The following ERI3 variants were observed in gnomAD, a reference collection of about 807,000 sequenced individuals.
ERI3 encodes ERI1 exoribonuclease 3.
A neutral mutation model predicts 44.4 loss-of-function variants in ERI3; 18 were observed. That is an observed-to-expected ratio of 0.41 (90% CI 0.28 to 0.60). The LOEUF (loss-of-function observed/expected upper bound fraction) is 0.60, where lower values mean the gene tolerates loss of function less well. Among genes scored for constraint, ERI3 ranks in the 20% least tolerant of loss-of-function variants. ERI3 has a pLI of 0.36. For synonymous variants in ERI3, 183 were observed against 164.8 expected (o/e 1.11, Z -0.84); for missense variants, 294 against 435.5 (o/e 0.68, Z 2.89).
At chr1:44,244,089 C>A (rs1476787582) in intron 8 of ERI3, 1 of 152,314 alleles carries the variant, frequency 6.6e-6, no homozygotes, top group Non-Finnish European at 1.5e-5. Context: ...AATATGAGTG[C>A]TTACTGCCCC....
At chr1:44,263,036 G>T (rs1644925101) in intron 7 of ERI3, among the ~76,000 whole-genome samples, 1 of 152,182 alleles carries the variant, frequency 6.6e-6, no homozygotes, top group Admixed American at 6.5e-5. Flanking sequence ...GCTTCACAGG[G>T]CCAAGTAAAA....
At chr1:44,326,516 A>C (rs969176338) in intron 3 of ERI3, among the ~76,000 whole-genome samples, 2 of 152,234 alleles carry the variant, frequency 1.3e-5, no homozygotes, top group Non-Finnish European at 2.9e-5. Flanking sequence ...TGGCGGGTTA[A>C]ATTTATTGCC....
In ERI3 at chr1:44,284,918, A is replaced by G. The variant is rs1352532460; in HGVS notation, c.759-11T>C. 2 of 1,613,462 alleles carry G rather than the reference A, an allele frequency of 1.2e-6. No individual in the cohort carries two copies. Among genetic ancestry groups the G allele is most frequent in the South Asian group, 2.2e-5 (2 of 91,048 alleles). On this transcript the variant is annotated splice_polypyrimidine_tract_variant and intron_variant, in intron 6 of 8. Transcript: ENST00000372257. ...CACTGGCCTGGGAGCCTACAAAAAAAAGGGAAGAGAGAACAAGTTGGGCGC... is the reference window on the plus strand; with the variant it reads ...CACTGGCCTGGGAGCCTACAAAAAAGAGGGAAGAGAGAACAAGTTGGGCGC...
In ERI3 at chr1:44,228,336, G is replaced by C. The variant is rs1413539004; in HGVS notation, c.932-6696C>G. On this transcript the variant is annotated intron_variant, in intron 8 of 8. Coordinates refer to ENST00000372257, the MANE Select transcript of ERI3 (RefSeq NM_024066.3). The surrounding 1 kb of genome is among the most constrained non-coding windows in gnomAD (Gnocchi z 4.3). ...TAAGGGGAAAAGGCAATTTCATCTT[G>C]ATTAGCAGGCGATTTCTCTCACCGT... Among the ~76,000 whole-genome samples, 1 of 152,200 alleles carries C rather than the reference G, an allele frequency of 6.6e-6. No homozygotes were observed. Among genetic ancestry groups the C allele is most frequent in the Non-Finnish European group, 1.5e-5 (1 of 68,044 alleles).
chr1:44,319,751 T>A lies in ERI3; in HGVS notation c.490-7A>T. 6.3e-7 allele frequency: 1 copy of A among 1,591,234 alleles called. No homozygotes were observed. The highest frequency in any genetic ancestry group is 8.6e-7 in the Non-Finnish European group (1 of 1,159,856). On this transcript the variant is annotated splice_region_variant and splice_polypyrimidine_tract_variant and intron_variant, in intron 3 of 8. Transcript: ENST00000372257. Reference sequence around the variant, plus strand: ...TGGGGAACTCGATGATTTCCTGGAGTGCCAAAGATACAGAAAAGGAAAAAT... The same window carrying A: ...TGGGGAACTCGATGATTTCCTGGAGAGCCAAAGATACAGAAAAGGAAAAAT...
At position 44,221,536 on chromosome 1, in the gene ERI3, GC is replaced by G; in HGVS notation, c.*21del. The G allele has an allele frequency of 6.2e-7, 1 of 1,605,602 alleles. No homozygotes were observed. Among genetic ancestry groups the G allele is most frequent in the Non-Finnish European group, 8.5e-7 (1 of 1,172,376 alleles). The stretch of plus-strand genomic sequence containing the variant: ...CTGGGCCAAACAGCTACCCTGTCCT[GC>G]CCCATCCTGTCCTCGGCCAATCAGA... On this transcript the variant is annotated 3_prime_UTR_variant, in exon 9 of 9. Transcript: ENST00000372257. The surrounding 1 kb of genome is among the most constrained non-coding windows in gnomAD (Gnocchi z 5.9).
chr1:44,287,425 T>C (rs763701519), intron 6 of ERI3, among the ~76,000 whole-genome samples: 2 of 152,174 alleles, frequency 1.3e-5, no homozygotes, highest in Non-Finnish European at 2.9e-5. Flanking sequence ...TAACAGAAAA[T>C]TGATCCCTTT....
At chr1:44,302,920 G>T (rs759973520) in intron 6 of ERI3, among the ~76,000 whole-genome samples, 1 of 152,160 alleles carries the variant, frequency 6.6e-6, no homozygotes, top group Non-Finnish European at 1.5e-5. Flanking sequence ...ACCTCTCTAG[G>T]CGTCAGTTTC....
intron 6 of ERI3, among the ~76,000 whole-genome samples, chr1:44,302,341 G>A (rs1645744270): frequency 6.6e-6 from 1 of 152,344 alleles, no homozygotes; most frequent in East Asian, 1.9e-4. Context: ...AAAAGTAATG[G>A]GAAATGAGAC....
chr1:44,231,923 G>A (rs1273594075), intron 8 of ERI3, among the ~76,000 whole-genome samples: 2 of 152,072 alleles, frequency 1.3e-5, no homozygotes, highest in South Asian at 2.1e-4. Flanking sequence ...GGATGTTTTC[G>A]TAACTGCACA....
chr1:44,253,113 C>G (rs1391199877), intron 7 of ERI3, among the ~76,000 whole-genome samples: 1 of 152,206 alleles, frequency 6.6e-6, no homozygotes, highest in Non-Finnish European at 1.5e-5. Context: ...CTGGCAGACA[C>G]AAATACTACC....
rs1646974764 is a variant in ERI3, at chr1:44,355,135, G to T, written c.-109C>A. On this transcript the variant is annotated 5_prime_UTR_variant, in exon 1 of 9. Coordinates refer to ENST00000372257, the MANE Select transcript of ERI3 (RefSeq NM_024066.3). ...CAGGGCAGTTGGCGGCGGCGGGCGCGGCCCGCGCCGACTGCGGCGCCGGCC... is the reference window on the plus strand; with the variant it reads ...CAGGGCAGTTGGCGGCGGCGGGCGCTGCCCGCGCCGACTGCGGCGCCGGCC... 4.9e-6 allele frequency: 6 copies of T among 1,227,374 alleles called. No homozygotes were observed. The highest frequency in any genetic ancestry group is 3.3e-5 in the East Asian group (1 of 30,702). The allele number at this position is 1,227,374 out of a possible 1,614,324, so 76.0% of individuals were successfully genotyped here.
chr1:44,244,862 C>A (rs559824117), intron 8 of ERI3, among the ~76,000 whole-genome samples: 1 of 152,240 alleles, frequency 6.6e-6, no homozygotes. Flanking sequence ...ACCTCCACAC[C>A]ACCCATGCCA....
intron 7 of ERI3, among the ~76,000 whole-genome samples, chr1:44,251,607 G>A (rs1333136979): frequency 2.0e-5 from 3 of 152,210 alleles, no homozygotes; most frequent in African/African-American, 4.8e-5. Context: ...AAGCTTCCTG[G>A]AGGGAGTGGT....
intron 8 of ERI3, among the ~76,000 whole-genome samples, chr1:44,240,441 C>T (rs72891746): frequency 0.039 from 5,987 of 152,146 alleles, 386 homozygotes; most frequent in African/African-American, 0.14. Context: ...TGACATGTCG[C>T]GTGTCTGCAG....
At chr1:44,222,068 C>T (rs568197453) in intron 8 of ERI3, among the ~76,000 whole-genome samples, 17 of 152,388 alleles carry the variant, frequency 1.1e-4, no homozygotes, top group Middle Eastern at 3.4e-3. Context: ...GTCTCCATTT[C>T]ATTACTGTGC....
intron 8 of ERI3, among the ~76,000 whole-genome samples, chr1:44,231,563 C>CTTGCTA (rs926417810): frequency 6.6e-6 from 1 of 152,000 alleles, no homozygotes; most frequent in African/African-American, 2.4e-5. Context: ...CATATGGGGT[C>CTTGCTA]TTGCTATGTT....
intron 7 of ERI3, among the ~76,000 whole-genome samples, chr1:44,259,380 C>A (rs114817471): frequency 9.1e-4 from 139 of 152,158 alleles, no homozygotes; most frequent in Non-Finnish European, 1.5e-3. Context: ...ACGCCAGAGT[C>A]CCTGAGCACA....
chr1:44,338,913 G>C, intron 3 of ERI3, 132 bp downstream of exon 3: 2 of 1,138,082 alleles, frequency 1.8e-6, no homozygotes, highest in Non-Finnish European at 2.5e-6. Flanking sequence ...CTGCTTCCTA[G>C]ACAGGAACTC....
Sources: gnomAD v4.1 joint callset for allele counts (sites outside exome capture counted in the v4.1 genomes callset) on GRCh38, gnomAD v4.1.1 for gene constraint, Gnocchi (gnomAD v3.1) non-coding constraint, MANE v1.5 for transcripts, NCBI Gene and HGNC (gene_info 2026-07-23, HGNC 2026-07-21) for gene names.